Variants in HMCN1 observed in about 807,000 individuals in gnomAD.
HMCN1 encodes hemicentin 1, also known as hemicentin-1.
Under a neutral mutation model 625.9 loss-of-function variants are expected in HMCN1, and 321 were observed. That is an observed-to-expected ratio of 0.51 (90% CI 0.47 to 0.56). HMCN1 has a LOEUF of 0.56. HMCN1 is among the 20% of genes least tolerant of loss of function. HMCN1 has a pLI of 0.00. For synonymous variants in HMCN1, 2,425 were observed against 2,417.6 expected (o/e 1.00, Z -0.09); for missense variants, 6,588 against 6,887.3 (o/e 0.96, Z 1.54).
chr1:185,884,824 A>C (rs549600498), intron 4 of HMCN1, among the ~76,000 whole-genome samples: 1 of 152,158 alleles, frequency 6.6e-6, no homozygotes, highest in South Asian at 2.1e-4. Context: ...GTTGTACTTT[A>C]TTACGTTATA....
At chr1:186,178,292 A>G in intron 103 of HMCN1, 124 bp from the exon 104 acceptor site, 3 of 725,012 alleles carry the variant, frequency 4.1e-6, no homozygotes, top group Middle Eastern at 3.4e-4. Context: ...AAATTACTGT[A>G]TGCCTGGCTT....
At chr1:185,854,635 A>G (rs1316102422) in intron 2 of HMCN1, among the ~76,000 whole-genome samples, 1 of 152,118 alleles carries the variant, frequency 6.6e-6, no homozygotes, top group Non-Finnish European at 1.5e-5. Context: ...CTATCCTTTT[A>G]TATTCATGGT....
At chr1:186,180,736 A>C (rs961638294) in intron 104 of HMCN1, among the ~76,000 whole-genome samples, 2 of 152,180 alleles carry the variant, frequency 1.3e-5, no homozygotes, top group African/African-American at 4.8e-5. Context: ...CTAAAGTAAA[A>C]ATTTATAGCT....
chr1:186,019,863 T>A (rs1191495378), intron 35 of HMCN1, among the ~76,000 whole-genome samples, 168 bp downstream of exon 35: 1 of 152,058 alleles, frequency 6.6e-6, no homozygotes, highest in Non-Finnish European at 1.5e-5. Flanking sequence ...TTAACAATAT[T>A]TTGATTTGAA....
chr1:185,827,442 G>A (rs1197190762), intron 1 of HMCN1, among the ~76,000 whole-genome samples: 2 of 151,872 alleles, frequency 1.3e-5, no homozygotes, highest in Non-Finnish European at 2.9e-5. Context: ...TCAAAGAAAT[G>A]GACAGGAAAA....
intron 1 of HMCN1, among the ~76,000 whole-genome samples, chr1:185,810,552 A>G (rs1007039813): frequency 6.6e-6 from 1 of 152,120 alleles, no homozygotes; most frequent in Non-Finnish European, 1.5e-5. Context: ...GATGAATCCA[A>G]ACTGCTGCAT....
At chr1:186,045,935 C>CGT in intron 41 of HMCN1, 72 bp downstream of exon 41, 1 of 1,073,794 alleles carries the variant, frequency 9.3e-7, no homozygotes, top group Non-Finnish European at 1.4e-6. Flanking sequence ...CCCTATTTAG[C>CGT]GTGACTGTCT....
intron 57 of HMCN1, among the ~76,000 whole-genome samples, chr1:186,085,335 G>C (rs943855737): frequency 6.6e-6 from 1 of 152,168 alleles, no homozygotes; most frequent in African/African-American, 2.4e-5. Context: ...GGTGCTGGCA[G>C]GGTTTGGTGT....
intron 98 of HMCN1, 70 bp downstream of exon 98, chr1:186,165,243 A>G: frequency 7.8e-7 from 1 of 1,279,178 alleles, no homozygotes; most frequent in South Asian, 1.2e-5. Context: ...TTTAATGGGT[A>G]TCTATTGCCC....
intron 1 of HMCN1, among the ~76,000 whole-genome samples, chr1:185,796,919 A>G (rs1001357665): frequency 3.3e-5 from 5 of 152,264 alleles, no homozygotes; most frequent in Admixed American, 6.5e-5. Flanking sequence ...AAAAATCCCC[A>G]TACTCTTTTC....
At chr1:185,741,778 G>C (rs1654010820) in intron 1 of HMCN1, among the ~76,000 whole-genome samples, 1 of 152,214 alleles carries the variant, frequency 6.6e-6, no homozygotes, top group Non-Finnish European at 1.5e-5. Context: ...GACTCAACAA[G>C]AATAGTTTCA....
At position 186,041,008 on chromosome 1, in the gene HMCN1, G is replaced by A; in HGVS notation, c.6181-5G>A. On this transcript the variant is annotated splice_polypyrimidine_tract_variant and splice_region_variant and intron_variant, in intron 39 of 106. Transcript: ENST00000271588. ...TTGGTTATTTAGCGTTCTTACCATT[G>A]ATAGGTTCTCTCTGGTGGTCGAATC... The A allele has an allele frequency of 6.2e-7, 1 of 1,612,672 alleles. No individual in the cohort carries two copies. Among genetic ancestry groups the A allele is most frequent in the South Asian group, 1.1e-5 (1 of 91,044 alleles).
intron 1 of HMCN1, among the ~76,000 whole-genome samples, chr1:185,780,664 A>G (rs2102172041): frequency 6.6e-6 from 1 of 152,236 alleles, no homozygotes; most frequent in East Asian, 1.9e-4. Flanking sequence ...TTATTTTTGT[A>G]TGTTGAACCA....
chr1:185,759,431 A>G (rs772691095), intron 1 of HMCN1, among the ~76,000 whole-genome samples: 1 of 152,256 alleles, frequency 6.6e-6, no homozygotes, highest in South Asian at 2.1e-4. Context: ...GTCCTTTTGC[A>G]TATGTTCTGT....
rs1654289555 is a variant in HMCN1 at position 186,015,322 on chromosome 1, T to C, written c.4794T>C (p.Asp1598=). 6.2e-7 allele frequency: 1 copy of C among 1,613,804 alleles called. No homozygotes were observed. The highest frequency in any genetic ancestry group is 2.2e-5 in the East Asian group (1 of 44,834). Residue 1598 remains aspartate (D), a synonymous_variant, in exon 31 of 107, where the codon GAT becomes GAC. Transcript: ENST00000271588. The part of the protein sequence containing the change: ...IMSSSQALYI[D]KGQYLHIPRA... ...CCAGCTCACAAGCACTTTATATTGATAAAGGACAATATCTTCATATTCCTC... is the reference window on the plus strand; with the variant it reads ...CCAGCTCACAAGCACTTTATATTGACAAAGGACAATATCTTCATATTCCTC...
intron 4 of HMCN1, among the ~76,000 whole-genome samples, chr1:185,892,892 G>A (rs375713818): frequency 4.6e-5 from 7 of 152,164 alleles, no homozygotes; most frequent in Admixed American, 6.5e-5. Context: ...GGTCAATGGC[G>A]GGCGCCCCTC....
Position 185,911,658 on chromosome 1 carries a change from A to G in HMCN1, c.794-16A>G. 6.5e-7 allele frequency: 1 copy of G among 1,545,424 alleles called. No individual in the cohort carries two copies. The highest frequency in any genetic ancestry group is 8.9e-7 in the Non-Finnish European group (1 of 1,117,766). Reference sequence around the variant, plus strand: ...GAGAAGGATTGTGCTTGTTACCTTTATGTTCTGTCTTTCAGGGAAGCTGAT... The same window carrying G: ...GAGAAGGATTGTGCTTGTTACCTTTGTGTTCTGTCTTTCAGGGAAGCTGAT... On this transcript the variant is annotated splice_polypyrimidine_tract_variant and intron_variant, in intron 5 of 106. Coordinates refer to ENST00000271588, the MANE Select transcript of HMCN1 (RefSeq NM_031935.3).
intron 11 of HMCN1, among the ~76,000 whole-genome samples, chr1:185,952,881 T>TA (rs1426569093): frequency 2.0e-5 from 3 of 150,030 alleles, no homozygotes; most frequent in Non-Finnish European, 4.4e-5. Flanking sequence ...GACACGGAAA[T>TA]AAGGAATTGG....
chr1:185,842,306 G>A (rs1327629736), intron 1 of HMCN1, among the ~76,000 whole-genome samples: 1 of 152,120 alleles, frequency 6.6e-6, no homozygotes, highest in Non-Finnish European at 1.5e-5. Flanking sequence ...TTGTATGGTT[G>A]ATTATAGTAT....
Sources: allele counts gnomAD v4.1 joint callset (sites outside exome capture counted in the v4.1 genomes callset), GRCh38; gene constraint gnomAD v4.1.1; transcripts MANE v1.5; gene names NCBI Gene and HGNC (gene_info 2026-07-23, HGNC 2026-07-21).